TNRC6B: variants seen among roughly 807,000 people sequenced by gnomAD.
The protein encoded by TNRC6B is trinucleotide repeat containing adaptor 6B, also known as trinucleotide repeat-containing gene 6B protein.
In TNRC6B, 52 loss-of-function variants were observed where a neutral mutation model predicts 203.6. That is an observed-to-expected ratio of 0.26 (90% CI 0.20 to 0.32). The LOEUF (loss-of-function observed/expected upper bound fraction) is 0.32, where lower values mean the gene tolerates loss of function less well. Among genes scored for constraint, TNRC6B ranks in the 10% least tolerant of loss-of-function variants. The pLI, the probability that TNRC6B is intolerant of heterozygous loss-of-function variation, is 1.00. For missense variants in TNRC6B, 1,923 were observed against 2,286.2 expected (o/e 0.84, Z 3.24); for synonymous variants, 838 against 845.7 (o/e 0.99, Z 0.16).
intron 12 of TNRC6B, among the ~76,000 whole-genome samples, chr22:40,289,683 A>T (rs1160443370): frequency 1.3e-5 from 2 of 152,164 alleles, no homozygotes; most frequent in African/African-American, 4.8e-5. Flanking sequence ...TCAACCTTCG[A>T]ACCTCTCCTC....
intron 1 of TNRC6B, among the ~76,000 whole-genome samples, chr22:40,241,006 T>C (rs1393839330): frequency 6.6e-6 from 1 of 152,174 alleles, no homozygotes; most frequent in African/African-American, 2.4e-5. Flanking sequence ...TAGAGCAGTT[T>C]CTCAACCCTA....
intron 15 of TNRC6B, among the ~76,000 whole-genome samples, chr22:40,302,632 CAAAAAA>C (rs200078286): frequency 2.8e-5 from 2 of 70,456 alleles, no homozygotes; most frequent in African/African-American, 6.5e-5. Flanking sequence ...GACCCCATCT[CAAAAAA>C]AAAAAAAAAA....
intron 3 of TNRC6B, among the ~76,000 whole-genome samples, chr22:40,149,410 T>C (rs1456054412): frequency 6.6e-6 from 1 of 152,088 alleles, no homozygotes; most frequent in African/African-American, 2.4e-5. Context: ...GGCTCACACT[T>C]GTAATCCCAG....
At chr22:40,113,757 A>C (rs140776039) in intron 1 of TNRC6B, among the ~76,000 whole-genome samples, 1,770 of 152,132 alleles carry the variant, frequency 0.012, 9 homozygotes, top group Non-Finnish European at 0.018. Flanking sequence ...GATGGGTGGT[A>C]CCCTCCTGTC....
At chr22:40,166,576 C>G (rs1213513580) in intron 4 of TNRC6B, among the ~76,000 whole-genome samples, 1 of 152,048 alleles carries the variant, frequency 6.6e-6, no homozygotes, top group Non-Finnish European at 1.5e-5. Flanking sequence ...TGCCTCACAA[C>G]TTGTTATTGG....
intron 4 of TNRC6B, among the ~76,000 whole-genome samples, chr22:40,166,314 TA>T (rs955941798): frequency 1.3e-5 from 2 of 151,994 alleles, no homozygotes; most frequent in Non-Finnish European, 2.9e-5. Flanking sequence ...AATGGCAACT[TA>T]AAAAAATTAA....
chr22:40,305,551 G>A (rs1019899717), intron 15 of TNRC6B, among the ~76,000 whole-genome samples: 1 of 152,144 alleles, frequency 6.6e-6, no homozygotes, highest in African/African-American at 2.4e-5. Context: ...AAATGCATCA[G>A]ACACATTCCA....
intron 17 of TNRC6B, 78 bp from the exon 18 acceptor site, chr22:40,312,427 T>G (rs2071196974): frequency 2.8e-6 from 4 of 1,421,074 alleles, no homozygotes; most frequent in Non-Finnish European, 3.8e-6. Context: ...CACAGACCCA[T>G]TTCTTATGTC....
chr22:40,166,334 A>G (rs2146362908), intron 4 of TNRC6B, among the ~76,000 whole-genome samples: 1 of 152,274 alleles, frequency 6.6e-6, no homozygotes, highest in East Asian at 1.9e-4. Flanking sequence ...AACAAATACC[A>G]CAAAATTCAG....
chr22:40,330,799 T>C lies in TNRC6B; in HGVS notation c.*7558T>C, dbSNP rs1164868893. 1 of 152,558 alleles carries C rather than the reference T, an allele frequency of 6.6e-6. No homozygotes were observed. Among genetic ancestry groups the C allele is most frequent in the African/African-American group, 2.4e-5 (1 of 41,400 alleles). The allele number at this position is 152,558 out of a possible 1,614,324, so 9.5% of individuals were successfully genotyped here. A position where few individuals can be genotyped will look rare whatever the true frequency, so the allele number is the denominator to read the frequency against. ...CAAACAAACAGACGGTCAGCTTTAG[T>C]CATTAGGGAAGTCAAAGTTCCTCCT... On this transcript the variant is annotated 3_prime_UTR_variant, in exon 23 of 23. Transcript: ENST00000454349.
chr22:40,123,521 C>T (rs1435007309), intron 2 of TNRC6B, among the ~76,000 whole-genome samples: 1 of 152,192 alleles, frequency 6.6e-6, no homozygotes, highest in East Asian at 1.9e-4. Context: ...CCAGTCAGTG[C>T]CTCCCACTGG....
At chr22:40,190,382 A>G (rs2069255911) in intron 1 of TNRC6B, among the ~76,000 whole-genome samples, 1 of 152,226 alleles carries the variant, frequency 6.6e-6, no homozygotes, top group African/African-American at 2.4e-5. Context: ...CTTGGAGGTT[A>G]TGTAAAATGG....
chr22:40,113,089 A>T (rs2068354480), intron 1 of TNRC6B, among the ~76,000 whole-genome samples: 1 of 152,198 alleles, frequency 6.6e-6, no homozygotes, highest in Non-Finnish European at 1.5e-5. Context: ...CCTGGGCGAC[A>T]GAGCAAGACT....
chr22:40,103,744 G>A (rs1266780429), intron 1 of TNRC6B, among the ~76,000 whole-genome samples: 1 of 151,892 alleles, frequency 6.6e-6, no homozygotes, highest in Non-Finnish European at 1.5e-5. Context: ...TCAGGTTCAA[G>A]CAATTCTCCT....
intron 9 of TNRC6B, 63 bp from the exon 10 acceptor site, chr22:40,279,932 C>T (rs1275959280): frequency 8.5e-6 from 13 of 1,535,986 alleles, no homozygotes; most frequent in African/African-American, 1.4e-5. Context: ...GGGCAGGTCA[C>T]TCTTGGTTCA....
At position 40,311,263 on chromosome 22, in the gene TNRC6B, T is replaced by C. The variant is rs74872146; in HGVS notation, c.4435+270T>C. Among the ~76,000 whole-genome samples the C allele has an allele frequency of 3.0e-3, 453 of 152,270 alleles. 3 individuals carry two copies. Among genetic ancestry groups the C allele is most frequent in the African/African-American group, 0.01 (432 of 41,544 alleles). ...CCTTGTAACATGGGTTCTTTTGAAG[T>C]GTCTGTTGAATTGATTTGTTAGTTC... On this transcript the variant is annotated intron_variant, in intron 17 of 22. Coordinates refer to ENST00000454349, the MANE Select transcript of TNRC6B (RefSeq NM_001162501.2).
Position 40,334,915 on chromosome 22 carries a change from AG to A in TNRC6B, c.*11676del, listed in dbSNP as rs767848882. ...CTTTGCACACAAACAGGTAACAGGA[AG>A]GTACAGCAAAAATCCTCTCATCTGA... On this transcript the variant is annotated 3_prime_UTR_variant, in exon 23 of 23. Coordinates refer to ENST00000454349, the MANE Select transcript of TNRC6B (RefSeq NM_001162501.2). The A allele has an allele frequency of 2.0e-5, 3 of 152,664 alleles. No homozygotes were observed. Among genetic ancestry groups the A allele is most frequent in the Non-Finnish European group, 4.4e-5 (3 of 68,046 alleles). The allele number at this position is 152,664 out of a possible 1,614,324, so 9.5% of individuals were successfully genotyped here. A position where few individuals can be genotyped will look rare whatever the true frequency, so the allele number is the denominator to read the frequency against.
intron 15 of TNRC6B, chr22:40,301,638 C>G (rs1034682483): frequency 8.1e-6 from 3 of 372,292 alleles, no homozygotes; most frequent in African/African-American, 4.2e-5. Context: ...AAGGCTCATA[C>G]ATGCTATAGC....
chr22:40,316,923 A>G (rs2071268201), intron 21 of TNRC6B, among the ~76,000 whole-genome samples: 1 of 152,324 alleles, frequency 6.6e-6, no homozygotes, highest in South Asian at 2.1e-4. Flanking sequence ...GAGAAAGAGA[A>G]AAAAACAAAC....
Sources: allele counts gnomAD v4.1 joint callset (sites outside exome capture counted in the v4.1 genomes callset), GRCh38; gene constraint gnomAD v4.1.1; transcripts MANE v1.5; gene names NCBI Gene and HGNC (gene_info 2026-07-23, HGNC 2026-07-21).